The following PATJ variants were observed in gnomAD, a reference collection of about 807,000 sequenced individuals.
The protein encoded by PATJ is PATJ crumbs cell polarity complex component.
In PATJ, 190 loss-of-function variants were observed where a neutral mutation model predicts 224.9. That is an observed-to-expected ratio of 0.84 (90% CI 0.75 to 0.95). PATJ has a LOEUF of 0.95. Among genes scored for constraint, PATJ ranks in the 40% least tolerant of loss-of-function variants. The pLI, the probability that PATJ is intolerant of heterozygous loss-of-function variation, is 0.00. For missense variants in PATJ, 2,121 were observed against 2,270.3 expected (o/e 0.93, Z 1.34); for synonymous variants, 769 against 820.3 (o/e 0.94, Z 1.07).
At chr1:61,819,437 G>C (rs1254760192) in intron 14 of PATJ, among the ~76,000 whole-genome samples, 1 of 152,080 alleles carries the variant, frequency 6.6e-6, no homozygotes, top group Non-Finnish European at 1.5e-5. Flanking sequence ...TGCCATGCTA[G>C]ATGTTAGTTC....
intron 17 of PATJ, among the ~76,000 whole-genome samples, chr1:61,837,819 G>A (rs1166197606): frequency 5.3e-5 from 8 of 150,132 alleles, no homozygotes; most frequent in Non-Finnish European, 1.2e-4. Context: ...GGAAAGATGA[G>A]TGAGCAGATA....
intron 30 of PATJ, among the ~76,000 whole-genome samples, chr1:62,048,156 A>T (rs1308517307): frequency 6.6e-6 from 1 of 152,210 alleles, no homozygotes; most frequent in South Asian, 2.1e-4. Flanking sequence ...TTCCCCTAGC[A>T]GGTTATTAGG....
intron 39 of PATJ, 111 bp downstream of exon 39, chr1:62,123,169 A>T: frequency 1.4e-6 from 1 of 740,558 alleles, no homozygotes. Context: ...CTTTCAAGTT[A>T]CTGAGATAAA....
chr1:61,918,880 T>C (rs1302003710), intron 26 of PATJ, among the ~76,000 whole-genome samples: 3 of 151,950 alleles, frequency 2.0e-5, no homozygotes, highest in African/African-American at 7.3e-5. Flanking sequence ...GGAGGATCAC[T>C]TGAGCCAGGG....
chr1:61,784,864 C>CA (rs1648170686), intron 7 of PATJ, among the ~76,000 whole-genome samples: 1 of 152,014 alleles, frequency 6.6e-6, no homozygotes, highest in African/African-American at 2.4e-5. Context: ...TTCTTTTTTT[C>CA]ATAACAATGT....
chr1:61,946,670 C>T (rs1163985878), intron 27 of PATJ, among the ~76,000 whole-genome samples: 6 of 152,170 alleles, frequency 3.9e-5, no homozygotes, highest in African/African-American at 1.4e-4. Flanking sequence ...CCTTCTGAAA[C>T]TATTCCAATC....
In PATJ at chr1:62,153,368, C is replaced by G. The variant is rs1668826204; in HGVS notation, c.5389C>G (p.Pro1797Ala). 1 of 1,231,620 alleles carries G rather than the reference C, an allele frequency of 8.1e-7. No homozygotes were observed. The highest frequency in any genetic ancestry group is 4.2e-5 in the Admixed American group (1 of 23,708). 76.3% of individuals were successfully genotyped at this position (1,231,620 alleles called of 1,614,324 possible). The change falls in exon 43 of 44, where the codon CCT becomes GCT. Residue 1797 changes from proline to alanine, a missense_variant. Coordinates refer to ENST00000642238, the MANE Select transcript of PATJ (RefSeq NM_001350145.3). ...HHPEDTETPP[P>A]KIITLEKGSE... ...GCATTGTGTTTTCAGAACACCTCCA[C>G]CTAAGATTATTACTTTGGAGAAAGG...
At chr1:61,763,532 C>CA (rs201666311) in intron 3 of PATJ, among the ~76,000 whole-genome samples, 2,236 of 75,384 alleles carry the variant, frequency 0.03, 41 homozygotes, top group African/African-American at 0.072. Flanking sequence ...GACCCTGTCT[C>CA]AAAAAAAAAA....
intron 33 of PATJ, among the ~76,000 whole-genome samples, chr1:62,089,366 TC>T (rs1349732575): frequency 1.3e-5 from 2 of 149,110 alleles, no homozygotes; most frequent in African/African-American, 2.5e-5. Flanking sequence ...TACTCTCCTT[TC>T]CCTGCCACTG....
At chr1:61,956,788 CAT>C (rs2149405475) in intron 27 of PATJ, among the ~76,000 whole-genome samples, 1 of 152,334 alleles carries the variant, frequency 6.6e-6, no homozygotes, top group Admixed American at 6.5e-5. Context: ...AATGACAAGA[CAT>C]TGGATTTGAT....
At chr1:62,150,692 A>AG (rs1473918790) in intron 42 of PATJ, among the ~76,000 whole-genome samples, 1 of 151,362 alleles carries the variant, frequency 6.6e-6, no homozygotes, top group Non-Finnish European at 1.5e-5. Flanking sequence ...AAAAAAAAAA[A>AG]AAAAAAAAAA....
In PATJ at chr1:61,923,670, C is replaced by T. The variant is rs11207866; in HGVS notation, c.3571-4060C>T. Among the ~76,000 whole-genome samples the T allele has an allele frequency of 5.7e-3, 867 of 152,106 alleles. 12 individuals are homozygous for T. The highest frequency in any genetic ancestry group is 0.02 in the African/African-American group (834 of 41,482). The stretch of plus-strand genomic sequence containing the variant: ...TGGTGGCTCATGCCTGTAATCCCAG[C>T]ACTTTGGGAGGCTGAGGTGGGTGGA... On this transcript the variant is annotated intron_variant, in intron 26 of 43. Transcript: ENST00000642238.
At position 61,743,222 on chromosome 1, in the gene PATJ, T is replaced by C. The variant is rs3790581; in HGVS notation, c.-36+667T>C. On this transcript the variant is annotated intron_variant, in intron 1 of 43. Coordinates refer to ENST00000642238, the MANE Select transcript of PATJ (RefSeq NM_001350145.3). ...TAGATGGGGAGGTTCTGTCGGAAAGTGCTTCCAGCCTTAGGGGAAATTCCT... is the reference window on the plus strand; with the variant it reads ...TAGATGGGGAGGTTCTGTCGGAAAGCGCTTCCAGCCTTAGGGGAAATTCCT... 2.2e-4 allele frequency among the ~76,000 whole-genome samples: 33 copies of C among 152,316 alleles called. 1 individual carries two copies. In the East Asian group the frequency reaches 6.2e-3, roughly 29 times the overall value.
At chr1:61,958,791 G>C (rs1680801192) in intron 27 of PATJ, among the ~76,000 whole-genome samples, 2 of 152,192 alleles carry the variant, frequency 1.3e-5, no homozygotes, top group Admixed American at 1.3e-4. Flanking sequence ...TCAAGTCATT[G>C]ACTTTCTCTG....
intron 27 of PATJ, among the ~76,000 whole-genome samples, chr1:61,988,253 T>C (rs967669374): frequency 6.6e-6 from 1 of 152,200 alleles, no homozygotes; most frequent in African/African-American, 2.4e-5. Flanking sequence ...ATTAATTTAG[T>C]ATTTATTCAC....
intron 14 of PATJ, among the ~76,000 whole-genome samples, chr1:61,816,245 C>T (rs984899527): frequency 1.3e-5 from 2 of 152,082 alleles, no homozygotes; most frequent in Non-Finnish European, 2.9e-5. Flanking sequence ...TTACCAGGGC[C>T]GGTTCTTTGC....
At chr1:62,058,721 T>A (rs969384942) in intron 31 of PATJ, among the ~76,000 whole-genome samples, 7 of 152,206 alleles carry the variant, frequency 4.6e-5, no homozygotes, top group Admixed American at 3.3e-4. Context: ...AATGTAGGTG[T>A]GCCAGAGCTC....
intron 27 of PATJ, among the ~76,000 whole-genome samples, chr1:61,958,140 CT>C (rs1327388575): frequency 6.6e-6 from 1 of 151,792 alleles, no homozygotes; most frequent in Non-Finnish European, 1.5e-5. Flanking sequence ...AAGTTGTTAC[CT>C]TTATTGTGGT....
intron 34 of PATJ, among the ~76,000 whole-genome samples, chr1:62,109,600 A>G (rs1388186901): frequency 1.3e-5 from 2 of 152,210 alleles, no homozygotes; most frequent in Non-Finnish European, 2.9e-5. Flanking sequence ...AGCATACAAC[A>G]TGGTTTTTTA....
Sources: gnomAD v4.1 joint callset for allele counts (sites outside exome capture counted in the v4.1 genomes callset) on GRCh38, gnomAD v4.1.1 for gene constraint, MANE v1.5 for transcripts, NCBI Gene and HGNC (gene_info 2026-07-23, HGNC 2026-07-21) for gene names.